The following CEP57 variants were observed in gnomAD, a reference collection of about 807,000 sequenced individuals.
The protein encoded by CEP57 is centrosomal protein of 57 kDa.
In CEP57, 40 loss-of-function variants were observed where a neutral mutation model predicts 68.0. The observed-to-expected ratio is 0.59, with a 90% CI of 0.46 to 0.77. The LOEUF is 0.77. CEP57 is among the 30% of genes least tolerant of loss of function. The pLI, the probability that CEP57 is intolerant of heterozygous loss-of-function variation, is 0.00. For missense variants in CEP57, 606 were observed against 580.7 expected (o/e 1.04, Z -0.45); for synonymous variants, 219 against 198.7 (o/e 1.10, Z -0.86).
chr11:95,818,254 A>T (rs948033660), intron 5 of CEP57, among the ~76,000 whole-genome samples: 20 of 152,192 alleles, frequency 1.3e-4, no homozygotes, highest in Admixed American at 4.6e-4. Flanking sequence ...TCTACTAAAA[A>T]TACAAAAATT....
At chr11:95,808,998 C>G (rs1861933433) in intron 2 of CEP57, among the ~76,000 whole-genome samples, 1 of 152,182 alleles carries the variant, frequency 6.6e-6, no homozygotes, top group African/African-American at 2.4e-5. Context: ...TTATAACAGA[C>G]TGTCTCTCAG....
intron 4 of CEP57, among the ~76,000 whole-genome samples, chr11:95,816,232 A>G (rs1862293074): frequency 6.6e-6 from 1 of 152,124 alleles, no homozygotes; most frequent in Non-Finnish European, 1.5e-5. Flanking sequence ...AAGGTGGGGA[A>G]AAGCCCCTAT....
At chr11:95,806,079 C>T (rs531288161) in intron 2 of CEP57, among the ~76,000 whole-genome samples, 7 of 152,282 alleles carry the variant, frequency 4.6e-5, no homozygotes, top group Middle Eastern at 6.8e-3. Flanking sequence ...CTGATGACTT[C>T]TGACCCAATT....
rs1863000717 is a variant in CEP57 at position 95,831,374 on chromosome 11, A to G, written c.*118A>G. Reference sequence around the variant, plus strand: ...TTGGAATTAATTAATAGCAGGTGTTAAAGGACCCAGGCTTCATTACACAGG... The same window carrying G: ...TTGGAATTAATTAATAGCAGGTGTTGAAGGACCCAGGCTTCATTACACAGG... On this transcript the variant is annotated 3_prime_UTR_variant, in exon 11 of 11. Transcript: ENST00000325542. 1 of 757,366 alleles carries G rather than the reference A, an allele frequency of 1.3e-6. No homozygotes were observed. Among genetic ancestry groups the G allele is most frequent in the East Asian group, 2.7e-5 (1 of 37,094 alleles). The allele number at this position is 757,366 out of a possible 1,614,324, so 46.9% of individuals were successfully genotyped here. A position where few individuals can be genotyped will look rare whatever the true frequency, so the allele number is the denominator to read the frequency against.
At chr11:95,818,086 C>A in intron 5 of CEP57, 183 bp downstream of exon 5, 1 of 551,426 alleles carries the variant, frequency 1.8e-6, no homozygotes. Context: ...TCTTGGTGGG[C>A]ATTTTTTTTT....
chr11:95,829,475 G>A (rs1862910155), intron 10 of CEP57, 144 bp downstream of exon 10: 1 of 880,366 alleles, frequency 1.1e-6, no homozygotes, highest in East Asian at 2.6e-5. Context: ...TGTTCATTGA[G>A]AATTGGTAAG....
chr11:95,795,480 A>C (rs1478969945), intron 1 of CEP57: 2 of 439,048 alleles, frequency 4.6e-6, no homozygotes, highest in African/African-American at 4.5e-5. Context: ...CTTCCTTTTC[A>C]ATCTTAATAG....
chr11:95,790,328 C>A, upstream of CEP57: 1 of 370,138 alleles, frequency 2.7e-6, no homozygotes, highest in Non-Finnish European at 5.0e-6. Flanking sequence ...GCCCGACCCT[C>A]CGTAGAATCC....
intron 1 of CEP57, 133 bp downstream of exon 1, chr11:95,790,876 C>G: frequency 1.9e-6 from 2 of 1,037,804 alleles, no homozygotes; most frequent in Non-Finnish European, 2.9e-6. Context: ...TAGATTGCCC[C>G]GCGCTCCCCA....
intron 2 of CEP57, among the ~76,000 whole-genome samples, chr11:95,810,197 A>C (rs1224565886): frequency 6.6e-6 from 1 of 152,220 alleles, no homozygotes; most frequent in Admixed American, 6.5e-5. Flanking sequence ...GATGGGACGT[A>C]TCTCAAAACA....
chr11:95,830,957 T>C (rs1862977441), intron 10 of CEP57, 69 bp from the exon 11 acceptor site: 8 of 1,236,118 alleles, frequency 6.5e-6, no homozygotes, highest in Non-Finnish European at 8.3e-6. Context: ...TCTTGTACTT[T>C]TTGTTGTCAG....
At chr11:95,790,969 C>T (rs60668630) in intron 1 of CEP57, among the ~76,000 whole-genome samples, 10,194 of 152,276 alleles carry the variant, frequency 0.067, 421 homozygotes, top group Middle Eastern at 0.13. Flanking sequence ...TTCCCCAGCC[C>T]TTATTCACCT....
intron 8 of CEP57, among the ~76,000 whole-genome samples, chr11:95,824,073 TAA>T (rs71040119): frequency 0.028 from 3,155 of 112,634 alleles, 55 homozygotes; most frequent in Non-Finnish European, 0.041. Flanking sequence ...AGGCCTATTG[TAA>T]AAAAAAAAAA....
At chr11:95,795,499 C>CTTTTTT (rs5793747) in intron 1 of CEP57, 6 of 375,364 alleles carry the variant, frequency 1.6e-5, no homozygotes, top group Non-Finnish European at 2.4e-5. Context: ...AGCTGTTATT[C>CTTTTTT]TTTTTTTTTT....
intron 1 of CEP57, among the ~76,000 whole-genome samples, chr11:95,796,141 C>T (rs1345891892): frequency 6.6e-6 from 1 of 152,126 alleles, no homozygotes. Flanking sequence ...GTTGCATGTG[C>T]CACTTATAAA....
intron 7 of CEP57, chr11:95,822,235 T>TA (rs1862547823): frequency 1.7e-6 from 1 of 577,522 alleles, no homozygotes; most frequent in Non-Finnish European, 3.1e-6. Context: ...CTTGTGCTCT[T>TA]ACAATGTTTT....
At chr11:95,813,203 C>T (rs910492240) in intron 3 of CEP57, 92 bp downstream of exon 3, 244 of 1,306,124 alleles carry the variant, frequency 1.9e-4, no homozygotes, top group Middle Eastern at 2.6e-4. Context: ...TGTTTTGTAG[C>T]GGTATCTTCA....
chr11:95,800,695 T>C (rs1861539861), intron 2 of CEP57, among the ~76,000 whole-genome samples: 1 of 152,186 alleles, frequency 6.6e-6, no homozygotes, highest in Non-Finnish European at 1.5e-5. Flanking sequence ...TGGCCAAGTC[T>C]CTTATGTTTC....
rs201285476 is a variant in CEP57, at chr11:95,827,980, G to C, written c.1080G>C (p.Leu360Phe). Reference protein sequence around the residue: ...PPSSNGINEELSEVLQTLQDE... With the variant: ...PPSSNGINEEFSEVLQTLQDE... Reference sequence around the variant, plus strand: ...CCTCCAACGGTATTAATGAGGAGTTGTCAGAAGTCTTACAGACTTTACAGG... The same window carrying C: ...CCTCCAACGGTATTAATGAGGAGTTCTCAGAAGTCTTACAGACTTTACAGG... The change falls in exon 9 of 11, where the codon TTG (leucine) becomes TTC (phenylalanine). Residue 360 changes from leucine to phenylalanine, a missense_variant. By Grantham distance (22) the Leu-to-Phe change is conservative (BLOSUM62 0). Transcript: ENST00000325542. The C allele has an allele frequency of 1.2e-6, 2 of 1,613,936 alleles. No homozygotes were observed. Among genetic ancestry groups the C allele is most frequent in the Admixed American group, 3.3e-5 (2 of 60,014 alleles).
Sources: gnomAD v4.1 joint callset for allele counts (sites outside exome capture counted in the v4.1 genomes callset) on GRCh38, gnomAD v4.1.1 for gene constraint, MANE v1.5 for transcripts, NCBI Gene and HGNC (gene_info 2026-07-23, HGNC 2026-07-21) for gene names.